Variants in SORCS2 observed in about 807,000 individuals in gnomAD.
SORCS2 encodes the protein sortilin related VPS10 domain containing receptor 2.
SORCS2 carries 100 observed loss-of-function variants against 141.6 expected under a neutral mutation model. That is an observed-to-expected ratio of 0.71 (90% CI 0.60 to 0.83). The LOEUF is 0.83. Ranked by LOEUF, SORCS2 falls within the 40% of genes least tolerant of loss-of-function variation. SORCS2 has a pLI of 0.00. For missense variants in SORCS2, 1,646 were observed against 1,560.2 expected (o/e 1.05, Z -0.93); for synonymous variants, 789 against 676.9 (o/e 1.17, Z -2.57).
At chr4:7,462,283 C>G (rs1037294635) in intron 2 of SORCS2, among the ~76,000 whole-genome samples, 1 of 152,200 alleles carries the variant, frequency 6.6e-6, no homozygotes, top group African/African-American at 2.4e-5. Flanking sequence ...AAATGTCTCA[C>G]CTGTGAGCGG....
chr4:7,581,114 A>G (rs1261681434), intron 3 of SORCS2, among the ~76,000 whole-genome samples: 11 of 151,636 alleles, frequency 7.3e-5, no homozygotes, highest in African/African-American at 1.7e-4. Flanking sequence ...ATGAAAAGTG[A>G]TATGTCTAAT....
At chr4:7,549,994 T>C (rs1225240057) in intron 3 of SORCS2, among the ~76,000 whole-genome samples, 1 of 152,016 alleles carries the variant, frequency 6.6e-6, no homozygotes, top group East Asian at 1.9e-4. Context: ...GAATTCGATG[T>C]AACTAAAATA....
chr4:7,247,775 G>A (rs925847996), intron 1 of SORCS2, among the ~76,000 whole-genome samples: 13 of 152,246 alleles, frequency 8.5e-5, no homozygotes, highest in African/African-American at 3.1e-4. Context: ...CTTTGAACTG[G>A]GGATGCAGGT....
intron 1 of SORCS2, among the ~76,000 whole-genome samples, chr4:7,314,610 A>T (rs1718434242): frequency 6.6e-6 from 1 of 152,126 alleles, no homozygotes; most frequent in Non-Finnish European, 1.5e-5. Context: ...AAGTGTTGGG[A>T]TTACAGGCGT....
At chr4:7,218,859 G>A (rs753113379) in intron 1 of SORCS2, among the ~76,000 whole-genome samples, 6 of 152,184 alleles carry the variant, frequency 3.9e-5, no homozygotes, top group Non-Finnish European at 7.3e-5. Flanking sequence ...GCACACTCAA[G>A]ATAAAACCCA....
rs925272069 is a variant in SORCS2 at position 7,514,685 on chromosome 4, T to C, written c.549-16845T>C. ...GGGTGTACAATGGACAGTGCTTAACTTGAAGCAGTGATGTTGATGACACCA... is the reference window on the plus strand; with the variant it reads ...GGGTGTACAATGGACAGTGCTTAACCTGAAGCAGTGATGTTGATGACACCA... On this transcript the variant is annotated intron_variant, in intron 2 of 26. Coordinates refer to ENST00000507866, the MANE Select transcript of SORCS2 (RefSeq NM_020777.3). Among the ~76,000 whole-genome samples, 16 of 152,202 alleles carry C rather than the reference T, an allele frequency of 1.1e-4. No individual in the cohort carries two copies. The East Asian group carries it at 3.1e-3, about 30-fold the overall frequency.
intron 1 of SORCS2, among the ~76,000 whole-genome samples, chr4:7,328,099 C>T (rs777882465): frequency 4.2e-5 from 6 of 143,060 alleles, no homozygotes; most frequent in South Asian, 2.3e-4. Context: ...GATCTCAGCT[C>T]ACTTCAACCT....
At chr4:7,721,711 G>A (rs1011354746) in intron 18 of SORCS2, among the ~76,000 whole-genome samples, 20 of 152,158 alleles carry the variant, frequency 1.3e-4, no homozygotes, top group African/African-American at 4.6e-4. Flanking sequence ...CACCCGGTGG[G>A]GTCCTAGTGC....
chr4:7,603,673 T>C (rs537132024), intron 3 of SORCS2, among the ~76,000 whole-genome samples: 1 of 152,330 alleles, frequency 6.6e-6, no homozygotes, highest in African/African-American at 2.4e-5. Flanking sequence ...CCTCTCTCTA[T>C]TGTTTCTGTG....
At chr4:7,356,876 G>T (rs540897358) in intron 1 of SORCS2, among the ~76,000 whole-genome samples, 1 of 152,350 alleles carries the variant, frequency 6.6e-6, no homozygotes, top group East Asian at 1.9e-4. Context: ...TGGCCTGCTG[G>T]CTGGGGCCAG....
At chr4:7,611,622 G>A (rs1392401184) in intron 3 of SORCS2, among the ~76,000 whole-genome samples, 3 of 152,206 alleles carry the variant, frequency 2.0e-5, no homozygotes, top group East Asian at 1.9e-4. Flanking sequence ...TGCCCAATAT[G>A]TCAGGATTTG....
chr4:7,516,889 T>G (rs1733019044), intron 2 of SORCS2, among the ~76,000 whole-genome samples: 1 of 152,184 alleles, frequency 6.6e-6, no homozygotes, highest in African/African-American at 2.4e-5. Context: ...TGGGGCCGCA[T>G]GTTGTGAGGG....
At chr4:7,711,237 G>A (rs577606926) in intron 14 of SORCS2, among the ~76,000 whole-genome samples, 107 of 152,348 alleles carry the variant, frequency 7.0e-4, no homozygotes, top group Middle Eastern at 3.4e-3. Context: ...ATGGACCGCC[G>A]CAGGCTTGCC....
chr4:7,523,249 G>A (rs922069107), intron 2 of SORCS2, among the ~76,000 whole-genome samples: 17 of 152,138 alleles, frequency 1.1e-4, no homozygotes, highest in Non-Finnish European at 2.2e-4. Context: ...AGATGTACAG[G>A]AATTCGATCC....
chr4:7,726,966 G>C, intron 21 of SORCS2, 63 bp downstream of exon 21: 1 of 1,559,080 alleles, frequency 6.4e-7, no homozygotes, highest in Non-Finnish European at 8.7e-7. Context: ...CAGGAAGCCA[G>C]GCCACATGGG....
At chr4:7,314,823 T>G (rs1436577731) in intron 1 of SORCS2, among the ~76,000 whole-genome samples, 12 of 145,844 alleles carry the variant, frequency 8.2e-5, no homozygotes, top group Admixed American at 3.4e-4. Context: ...TTTTTTTTTT[T>G]TTTTTTATTG....
At chr4:7,637,381 C>T (rs891060849) in intron 3 of SORCS2, among the ~76,000 whole-genome samples, 17 of 152,330 alleles carry the variant, frequency 1.1e-4, no homozygotes, top group African/African-American at 4.1e-4. Flanking sequence ...GTGGGCCCCA[C>T]CCCGTCACTC....
intron 1 of SORCS2, among the ~76,000 whole-genome samples, chr4:7,223,493 A>T (rs910723885): frequency 6.6e-6 from 1 of 152,152 alleles, no homozygotes; most frequent in African/African-American, 2.4e-5. Flanking sequence ...AATTATGCTG[A>T]TGTGCATTAA....
At chr4:7,475,084 T>G (rs1392515990) in intron 2 of SORCS2, among the ~76,000 whole-genome samples, 1 of 152,182 alleles carries the variant, frequency 6.6e-6, no homozygotes, top group African/African-American at 2.4e-5. Flanking sequence ...AGACCCTGTT[T>G]CCATTTGCCA....
Sources: gnomAD v4.1 joint callset for allele counts (sites outside exome capture counted in the v4.1 genomes callset) on GRCh38, gnomAD v4.1.1 for gene constraint, MANE v1.5 for transcripts, NCBI Gene and HGNC (gene_info 2026-07-23, HGNC 2026-07-21) for gene names.